The following SERPINF1 variants were observed in gnomAD, a reference collection of about 807,000 sequenced individuals.
SERPINF1 encodes serpin family F member 1.
In SERPINF1, 29 loss-of-function variants were observed where a neutral mutation model predicts 37.3. The observed-to-expected ratio is 0.78, with a 90% CI of 0.58 to 1.06. The LOEUF (loss-of-function observed/expected upper bound fraction) is 1.06, where lower values mean the gene tolerates loss of function less well. Among genes scored for constraint, SERPINF1 ranks in the 50% least tolerant of loss-of-function variants. The pLI is 0.00. For missense variants in SERPINF1, 553 were observed against 532.2 expected (o/e 1.04, Z -0.38); for synonymous variants, 281 against 227.9 (o/e 1.23, Z -2.10).
intron 2 of SERPINF1, among the ~76,000 whole-genome samples, chr17:1,768,084 A>T (rs746991311): frequency 1.3e-5 from 2 of 151,676 alleles, no homozygotes; most frequent in Non-Finnish European, 2.9e-5. Flanking sequence ...TGCTTGTGGT[A>T]CTACCTACTT....
intron 6 of SERPINF1, 41 bp downstream of exon 6, chr17:1,775,241 A>G: frequency 6.3e-7 from 1 of 1,593,652 alleles, no homozygotes; most frequent in East Asian, 2.2e-5. Context: ...GGATGGAGGG[A>G]GAGGATAGAG....
rs757361248 is a variant in SERPINF1, at chr17:1,771,963, G to A, written c.531G>A (p.Leu177=). The A allele has an allele frequency of 6.2e-7, 1 of 1,613,956 alleles. No homozygotes were observed. Among genetic ancestry groups the A allele is most frequent in the East Asian group, 2.2e-5 (1 of 44,870 alleles). The part of the protein sequence containing the change: ...RVLTGNPRLD[L]QEINNWVQAQ... ...TGACGGGCAACCCTCGCTTGGACCT[G>A]CAAGAGATCAACAACTGGGTGCAGG... Residue 177 remains leucine, a synonymous_variant, in exon 5 of 8, where the codon CTG becomes CTA. Coordinates refer to ENST00000254722, the MANE Select transcript of SERPINF1 (RefSeq NM_002615.7).
Position 1,771,067 on chromosome 17 carries a change from C to T in SERPINF1, c.322C>T (p.Leu108Phe). The T allele has an allele frequency of 6.2e-7, 1 of 1,614,096 alleles. No individual in the cohort carries two copies. Among genetic ancestry groups the T allele is most frequent in the Non-Finnish European group, 8.5e-7 (1 of 1,180,010 alleles). ...QRTESIIHRALYYDLISSPDI... is the reference protein window; with the variant it reads ...QRTESIIHRAFYYDLISSPDI... ...AACAGAATCCATCATTCACCGGGCT[C>T]TCTACTATGACTTGATCAGCAGCCC... Residue 108 changes from leucine (L) to phenylalanine (F), a missense_variant, in exon 4 of 8, where the codon CTC (leucine) becomes TTC (phenylalanine). Transcript: ENST00000254722.
At position 1,777,215 on chromosome 17, in the gene SERPINF1, CTT is replaced by C. The variant is rs1908092951; in HGVS notation, c.1028_1029del (p.Phe343Ter). 1.9e-6 allele frequency: 3 copies of C among 1,614,000 alleles called. No individual in the cohort carries two copies. The highest frequency in any genetic ancestry group is 2.5e-6 in the Non-Finnish European group (3 of 1,180,030). ...KLQSLFDSPD[F>X]SKITGKPIKL... ...TGCAATCCTTGTTTGATTCACCAGA[CTT>C]TAGCAAGATCACAGGCAAACCCATC... On this transcript the variant is annotated frameshift_variant, in exon 8 of 8. Transcript: ENST00000254722. LOFTEE classifies it high-confidence loss of function.
chr17:1,762,480 C>G (rs992372388), intron 1 of SERPINF1, among the ~76,000 whole-genome samples: 1 of 152,176 alleles, frequency 6.6e-6, no homozygotes, highest in Non-Finnish European at 1.5e-5. Flanking sequence ...GACTGGAGCC[C>G]GAGGCAAGGA....
rs769906549 is a variant in SERPINF1, at chr17:1,770,980, TG to T, written c.284-45del. ...CTGTGTTCTGGGAGGGGGCTTGATT[TG>T]GGGCCCTGGTGTGCAGTTATCAACG... On this transcript the variant is annotated intron_variant, in intron 3 of 7. Transcript: ENST00000254722. The T allele has an allele frequency of 3.1e-6, 5 of 1,612,624 alleles. No individual in the cohort carries two copies. In the South Asian group the frequency reaches 4.4e-5, roughly 14 times the overall value.
chr17:1,770,623 CTAA>C (rs1298028587), intron 3 of SERPINF1: 1 of 267,544 alleles, frequency 3.7e-6, no homozygotes, highest in African/African-American at 2.2e-5. Context: ...TCATGCCCAG[CTAA>C]TTTTTGTATT....
intron 1 of SERPINF1, chr17:1,766,461 CGGG>C (rs1567752192): frequency 6.6e-6 from 1 of 151,668 alleles, no homozygotes; most frequent in Non-Finnish European, 1.5e-5. Flanking sequence ...GAGGCTGAGG[CGGG>C]AGAATCGCTT....
intron 6 of SERPINF1, 111 bp downstream of exon 6, chr17:1,775,311 C>G: frequency 8.0e-6 from 9 of 1,124,528 alleles, no homozygotes; most frequent in Non-Finnish European, 1.0e-5. Context: ...GTCTACATGT[C>G]GCCTGCTGTG....
At chr17:1,766,864 C>A (rs774938967) in intron 1 of SERPINF1, 39 bp from the exon 2 acceptor site, 16 of 1,533,078 alleles carry the variant, frequency 1.0e-5, no homozygotes, top group Middle Eastern at 3.5e-4. Flanking sequence ...AGTGCAGTGT[C>A]GGGGGAGAGC....
intron 1 of SERPINF1, 173 bp from the exon 2 acceptor site, chr17:1,766,730 C>T: frequency 1.7e-6 from 1 of 604,822 alleles, no homozygotes; most frequent in South Asian, 1.9e-5. Flanking sequence ...GGCCATCAAG[C>T]TGAGGGTCCA....
chr17:1,772,104 T>G, intron 5 of SERPINF1, 29 bp downstream of exon 5: 5 of 1,591,636 alleles, frequency 3.1e-6, no homozygotes, highest in Non-Finnish European at 3.4e-6. Context: ...CTTTTTCATT[T>G]ATTTTACTGT....
chr17:1,764,163 CAA>C lies in SERPINF1; in HGVS notation c.-9+2051_-9+2052del, dbSNP rs1907236240. 2.0e-5 allele frequency among the ~76,000 whole-genome samples: 3 copies of C among 152,352 alleles called. No individual in the cohort carries two copies. The South Asian group carries it at 6.2e-4, about 32-fold the overall frequency. On this transcript the variant is annotated intron_variant, in intron 1 of 7. Coordinates refer to ENST00000254722, the MANE Select transcript of SERPINF1 (RefSeq NM_002615.7). ...CGCCACTGCACTTTAGCCTGGGCGA[CAA>C]GAGTGAAACTCTGTCTCAAAAACAA...
Position 1,763,105 on chromosome 17 carries a change from G to A in SERPINF1, c.-9+992G>A, listed in dbSNP as rs531054203. On this transcript the variant is annotated intron_variant, in intron 1 of 7. Transcript: ENST00000254722. ...GCTTCAGGAAACATTGTTTGGGGCT[G>A]GGTCACCATGGGTGGGCCAGAGAGG... Among the ~76,000 whole-genome samples, 11 of 152,326 alleles carry A rather than the reference G, an allele frequency of 7.2e-5. No homozygotes were observed. In the East Asian group the frequency reaches 1.2e-3, roughly 16 times the overall value.
intron 5 of SERPINF1, among the ~76,000 whole-genome samples, chr17:1,774,183 C>T (rs1267116274): frequency 1.3e-5 from 2 of 152,150 alleles, no homozygotes; most frequent in East Asian, 1.9e-4. Flanking sequence ...TAGGAGTGCA[C>T]ACCAGTTTAC....
chr17:1,777,058 CTCAGACCTCT>C (rs2151213249), intron 7 of SERPINF1, 119 bp from the exon 8 acceptor site: 1 of 1,460,416 alleles, frequency 6.8e-7, no homozygotes, highest in African/African-American at 1.4e-5. Context: ...CCTCGGTCAG[CTCAGACCTCT>C]TCAGGCCTCA....
chr17:1,765,926 C>G (rs933045132), intron 1 of SERPINF1, among the ~76,000 whole-genome samples: 2 of 151,920 alleles, frequency 1.3e-5, no homozygotes, highest in African/African-American at 2.4e-5. Context: ...ACCCTAGGCC[C>G]TGCACTCCTA....
chr17:1,768,445 AAG>A, intron 2 of SERPINF1, among the ~76,000 whole-genome samples: 1 of 150,586 alleles, frequency 6.6e-6, no homozygotes, highest in African/African-American at 2.4e-5. Flanking sequence ...AAAAAAAAAA[AAG>A]AAAGAAAGAA....
At chr17:1,763,435 G>A (rs780833251) in intron 1 of SERPINF1, among the ~76,000 whole-genome samples, 15 of 152,188 alleles carry the variant, frequency 9.9e-5, no homozygotes, top group Admixed American at 9.2e-4. Context: ...GCCCTCCCCC[G>A]CCTGCTAGGA....
Sources: gnomAD v4.1 joint callset for allele counts (sites outside exome capture counted in the v4.1 genomes callset) on GRCh38, gnomAD v4.1.1 for gene constraint, MANE v1.5 for transcripts, NCBI Gene and HGNC (gene_info 2026-07-23, HGNC 2026-07-21) for gene names.